Variants in GABBR2 observed in about 807,000 individuals in gnomAD.
GABBR2 encodes gamma-aminobutyric acid type B receptor subunit 2, also known as G-protein coupled receptor 51.
A neutral mutation model predicts 105.6 loss-of-function variants in GABBR2; 23 were observed. The ratio of observed to expected loss-of-function variants is 0.22; its 90% CI spans 0.16 to 0.31. The LOEUF (loss-of-function observed/expected upper bound fraction) is 0.31, where lower values mean the gene tolerates loss of function less well. GABBR2 is among the 10% of genes least tolerant of loss of function. The pLI is 1.00. For missense variants in GABBR2, 734 were observed against 1,245.5 expected, an observed-to-expected ratio of 0.59 and a Z score of 6.18; for synonymous variants, 478 against 499.7, an observed-to-expected ratio of 0.96 and a Z score of 0.58.
chr9:98,589,198 G>A (rs914517970), intron 1 of GABBR2, among the ~76,000 whole-genome samples: 5 of 152,158 alleles, frequency 3.3e-5, no homozygotes, highest in Admixed American at 3.3e-4. Flanking sequence ...TGCTGCCAGG[G>A]ACTGTTCCTA....
chr9:98,673,183 T>C lies in GABBR2; in HGVS notation c.321+35234A>G, dbSNP rs985351785. On this transcript the variant is annotated intron_variant, in intron 1 of 18. Coordinates refer to ENST00000259455, the MANE Select transcript of GABBR2 (RefSeq NM_005458.8). ...CATCCTGGTTTCAGAAACATTAAAATATCCAGGGAAGATGTGCATCTTAGA... is the reference window on the plus strand; with the variant it reads ...CATCCTGGTTTCAGAAACATTAAAACATCCAGGGAAGATGTGCATCTTAGA... Among the ~76,000 whole-genome samples the C allele has an allele frequency of 6.0e-4, 92 of 152,088 alleles. 1 individual carries two copies. The highest frequency in any genetic ancestry group is 2.2e-3 in the African/African-American group (92 of 41,402).
intron 1 of GABBR2, among the ~76,000 whole-genome samples, chr9:98,638,024 G>T (rs543445681): frequency 1.2e-4 from 18 of 152,286 alleles, no homozygotes; most frequent in Non-Finnish European, 1.9e-4. Flanking sequence ...GAAAACTGAG[G>T]CATGGATAAA....
chr9:98,645,440 T>A (rs1830018036), intron 1 of GABBR2, among the ~76,000 whole-genome samples: 1 of 151,974 alleles, frequency 6.6e-6, no homozygotes, highest in Non-Finnish European at 1.5e-5. Context: ...AGAAGAAGGG[T>A]GTCTAGTTCA....
chr9:98,601,120 C>T (rs1829325398), intron 1 of GABBR2, among the ~76,000 whole-genome samples: 1 of 152,234 alleles, frequency 6.6e-6, no homozygotes, highest in African/African-American at 2.4e-5. Flanking sequence ...AATAACAGTG[C>T]TGCTCAGACT....
chr9:98,335,576 G>A (rs1442279153), intron 13 of GABBR2, among the ~76,000 whole-genome samples: 1 of 152,102 alleles, frequency 6.6e-6, no homozygotes, highest in African/African-American at 2.4e-5. Context: ...TTTGGGGGGT[G>A]TGACCCGGGC....
chr9:98,300,417 T>C (rs1830450462), intron 16 of GABBR2, among the ~76,000 whole-genome samples: 1 of 152,130 alleles, frequency 6.6e-6, no homozygotes, highest in African/African-American at 2.4e-5. Context: ...AGCGTTGGGA[T>C]TACAGGTGTG....
At chr9:98,699,742 G>C (rs897190850) in intron 1 of GABBR2, among the ~76,000 whole-genome samples, 2 of 152,102 alleles carry the variant, frequency 1.3e-5, no homozygotes, top group African/African-American at 4.8e-5. Context: ...ACCAAACCCA[G>C]ATGCTGACCC....
intron 12 of GABBR2, among the ~76,000 whole-genome samples, chr9:98,368,821 A>T (rs866924243): frequency 2.6e-5 from 4 of 152,204 alleles, no homozygotes; most frequent in Non-Finnish European, 4.4e-5. Flanking sequence ...CACCTAGGCC[A>T]GTGGCTCTCC....
At chr9:98,532,450 G>A (rs969646656) in intron 3 of GABBR2, among the ~76,000 whole-genome samples, 7 of 152,214 alleles carry the variant, frequency 4.6e-5, no homozygotes, top group South Asian at 2.1e-4. Context: ...CTGATCCGTC[G>A]GAGTCCCCTC....
chr9:98,708,687 TGGC>T lies in GABBR2; in HGVS notation c.48_50del (p.Pro20del), dbSNP rs751111546. On this transcript the variant is annotated inframe_deletion, in exon 1 of 19. Coordinates refer to ENST00000259455, the MANE Select transcript of GABBR2 (RefSeq NM_005458.8). ...GCAGTAGCAGGCGCGCGGGCGGCGG[TGGC>T]GGCGGCGGCGGCGGCCCGGGCTGCC... The T allele has an allele frequency of 2.8e-4, 296 of 1,061,604 alleles. No individual in the cohort carries two copies. The highest frequency in any genetic ancestry group is 5.2e-4 in the East Asian group (8 of 15,282). 65.8% of individuals were successfully genotyped at this position (1,061,604 alleles called of 1,614,324 possible).
chr9:98,627,271 C>T (rs1231331932), intron 1 of GABBR2, among the ~76,000 whole-genome samples: 1 of 152,074 alleles, frequency 6.6e-6, no homozygotes, highest in Non-Finnish European at 1.5e-5. Flanking sequence ...CAAGCTGTGG[C>T]CCTCTCCATC....
chr9:98,500,820 C>G (rs905920821), intron 3 of GABBR2, among the ~76,000 whole-genome samples: 6 of 152,100 alleles, frequency 3.9e-5, no homozygotes, highest in Admixed American at 3.9e-4. Flanking sequence ...GGCCCCTGCA[C>G]CAGTAACACC....
intron 1 of GABBR2, among the ~76,000 whole-genome samples, chr9:98,701,333 G>A (rs969497867): frequency 1.2e-4 from 18 of 152,208 alleles, no homozygotes; most frequent in South Asian, 4.1e-4. Flanking sequence ...AGTTATGTCC[G>A]TGGGTGCCTG....
intron 7 of GABBR2, among the ~76,000 whole-genome samples, chr9:98,424,032 T>C (rs148789525): frequency 0.036 from 5,473 of 152,256 alleles, 191 homozygotes; most frequent in African/African-American, 0.083. Context: ...AGCCTTGTAG[T>C]ATAGTTTGAA....
chr9:98,525,136 A>G (rs745355067), intron 3 of GABBR2, among the ~76,000 whole-genome samples: 2 of 152,232 alleles, frequency 1.3e-5, no homozygotes, highest in Non-Finnish European at 2.9e-5. Flanking sequence ...CAAAAGTAAA[A>G]GCAGCAAAAG....
chr9:98,342,665 T>A (rs1036048034), intron 13 of GABBR2, among the ~76,000 whole-genome samples: 1 of 152,140 alleles, frequency 6.6e-6, no homozygotes, highest in Non-Finnish European at 1.5e-5. Context: ...CATGGATAAC[T>A]ATGTGTGACA....
intron 7 of GABBR2, among the ~76,000 whole-genome samples, chr9:98,420,154 G>A (rs575804448): frequency 5.9e-5 from 9 of 152,230 alleles, no homozygotes; most frequent in Non-Finnish European, 7.4e-5. Context: ...CTCTTGTCTC[G>A]GAGGAGGGGA....
At chr9:98,343,745 C>T (rs372261332) in intron 13 of GABBR2, among the ~76,000 whole-genome samples, 36 of 152,158 alleles carry the variant, frequency 2.4e-4, no homozygotes, top group African/African-American at 4.1e-4. Context: ...GTAGTCCCAG[C>T]TACTCAGGAG....
intron 7 of GABBR2, among the ~76,000 whole-genome samples, chr9:98,427,039 A>G (rs1247522841): frequency 6.6e-6 from 1 of 152,186 alleles, no homozygotes; most frequent in African/African-American, 2.4e-5. Flanking sequence ...TGTTAGCAAA[A>G]AAGGAAAGAG....
Sources: gnomAD v4.1 joint callset for allele counts (sites outside exome capture counted in the v4.1 genomes callset) on GRCh38, gnomAD v4.1.1 for gene constraint, MANE v1.5 for transcripts, NCBI Gene and HGNC (gene_info 2026-07-23, HGNC 2026-07-21) for gene names.